LRRC4C: variants seen among roughly 807,000 people sequenced by gnomAD.
LRRC4C encodes leucine-rich repeat-containing protein 4C.
A neutral mutation model predicts 33.6 loss-of-function variants in LRRC4C; 5 were observed. The observed-to-expected ratio is 0.15, with a 90% CI of 0.08 to 0.31. LRRC4C has a LOEUF of 0.31. LRRC4C is among the 10% of genes least tolerant of loss of function. LRRC4C has a pLI of 1.00. For synonymous variants in LRRC4C, 329 were observed against 302.0 expected, an observed-to-expected ratio of 1.09 and a Z score of -0.93; for missense variants, 560 against 796.7, an observed-to-expected ratio of 0.70 and a Z score of 3.58.
At chr11:40,122,360 C>T (rs999507919) in intron 6 of LRRC4C, among the ~76,000 whole-genome samples, 2 of 152,050 alleles carry the variant, frequency 1.3e-5, no homozygotes, top group South Asian at 2.1e-4. Flanking sequence ...CCATCACCTA[C>T]GTATTAAGCC....
At chr11:40,358,709 C>T (rs1947800044) in intron 3 of LRRC4C, among the ~76,000 whole-genome samples, 1 of 152,038 alleles carries the variant, frequency 6.6e-6, no homozygotes, top group African/African-American at 2.4e-5. Context: ...AATGTGTGTG[C>T]ACCTGCGGAG....
At chr11:41,391,064 T>G (rs1953572612) in intron 1 of LRRC4C, among the ~76,000 whole-genome samples, 1 of 151,840 alleles carries the variant, frequency 6.6e-6, no homozygotes, top group African/African-American at 2.4e-5. Flanking sequence ...AAAAATCATT[T>G]GTTCTATAAA....
intron 3 of LRRC4C, among the ~76,000 whole-genome samples, chr11:40,537,124 C>G (rs1956506853): frequency 6.6e-6 from 1 of 152,062 alleles, no homozygotes; most frequent in South Asian, 2.1e-4. Flanking sequence ...ATATGACCTT[C>G]AATAACAAAA....
At chr11:41,238,269 T>C (rs1050378464) in intron 1 of LRRC4C, among the ~76,000 whole-genome samples, 1 of 152,192 alleles carries the variant, frequency 6.6e-6, no homozygotes, top group Non-Finnish European at 1.5e-5. Flanking sequence ...TCTATTTACC[T>C]CTTTAGGCTA....
intron 1 of LRRC4C, among the ~76,000 whole-genome samples, chr11:41,059,851 C>T (rs1161386071): frequency 6.6e-6 from 1 of 152,038 alleles, no homozygotes; most frequent in African/African-American, 2.4e-5. Context: ...ATGGTGAAAC[C>T]CCATCTCTAC....
chr11:41,051,593 T>A (rs1051480917), intron 1 of LRRC4C, among the ~76,000 whole-genome samples: 2 of 150,672 alleles, frequency 1.3e-5, no homozygotes, highest in Admixed American at 1.3e-4. Context: ...TTCTGATTTT[T>A]AAAAATTTTT....
chr11:40,115,882 A>G lies in LRRC4C; in HGVS notation c.411T>C (p.Thr137=). 3 of 1,614,170 alleles carry G rather than the reference A, an allele frequency of 1.9e-6. No individual in the cohort carries two copies. Among genetic ancestry groups the G allele is most frequent in the Non-Finnish European group, 2.5e-6 (3 of 1,180,028 alleles). The change falls in exon 7 of 7, where the codon ACT becomes ACC. Residue 137 remains threonine, a synonymous_variant. Coordinates refer to ENST00000528697, the MANE Select transcript of LRRC4C (RefSeq NM_001258419.2). This position sits in a 1 kb window ranked among gnomAD's most constrained non-coding sequence, Gnocchi z 6.7. ...NTLELFDNRL[T]TIPNGAFVYL... ...ATACAAAAGCTCCATTCGGGATGGT[A>G]GTAAGACGATTGTCAAAGAGTTCCA...
chr11:41,413,065 T>C (rs1331865070), intron 1 of LRRC4C, among the ~76,000 whole-genome samples: 2 of 152,194 alleles, frequency 1.3e-5, no homozygotes, highest in African/African-American at 2.4e-5. Flanking sequence ...TTTTTCTTTT[T>C]TACTTCCATT....
At chr11:40,700,680 A>G (rs1360273843) in intron 2 of LRRC4C, among the ~76,000 whole-genome samples, 2 of 152,136 alleles carry the variant, frequency 1.3e-5, no homozygotes, top group Admixed American at 1.3e-4. Flanking sequence ...TTCTGGATTC[A>G]GGGTCCAGAG....
At chr11:41,181,762 A>G (rs1215898830) in intron 1 of LRRC4C, among the ~76,000 whole-genome samples, 2 of 152,202 alleles carry the variant, frequency 1.3e-5, no homozygotes, top group African/African-American at 4.8e-5. Context: ...TCTTCCATTA[A>G]TGAGGTAAAT....
At chr11:41,434,690 T>C (rs1955365925) in intron 1 of LRRC4C, among the ~76,000 whole-genome samples, 1 of 152,150 alleles carries the variant, frequency 6.6e-6, no homozygotes, top group South Asian at 2.1e-4. Context: ...GAAGTGCACC[T>C]TTCTCTTAGA....
intron 3 of LRRC4C, among the ~76,000 whole-genome samples, chr11:40,364,161 C>G (rs904053265): frequency 2.9e-4 from 44 of 151,954 alleles, no homozygotes; most frequent in Non-Finnish European, 1.3e-4. Context: ...GCATTAAATT[C>G]ATAATTTCTG....
At chr11:40,561,007 C>T (rs1485168779) in intron 3 of LRRC4C, among the ~76,000 whole-genome samples, 1 of 152,070 alleles carries the variant, frequency 6.6e-6, no homozygotes, top group African/African-American at 2.4e-5. Context: ...GTTTTCTCTC[C>T]TTCTTTTCTC....
chr11:40,553,133 G>C (rs555232037), intron 3 of LRRC4C, among the ~76,000 whole-genome samples: 3 of 152,008 alleles, frequency 2.0e-5, no homozygotes, highest in Admixed American at 6.6e-5. Context: ...TTAGCCCGGC[G>C]TAGTGACAGG....
intron 5 of LRRC4C, among the ~76,000 whole-genome samples, chr11:40,221,931 C>T (rs541293045): frequency 2.0e-5 from 3 of 152,236 alleles, no homozygotes; most frequent in Admixed American, 6.5e-5. Context: ...ACAGGAGTCT[C>T]GTCGATGCCC....
chr11:40,909,137 G>A (rs373278126), intron 2 of LRRC4C, among the ~76,000 whole-genome samples: 4 of 152,140 alleles, frequency 2.6e-5, no homozygotes, highest in African/African-American at 9.6e-5. Flanking sequence ...TGAGGGTAGG[G>A]GTTGGAAATA....
intron 3 of LRRC4C, among the ~76,000 whole-genome samples, chr11:40,348,146 TAA>T (rs1947220816): frequency 6.6e-6 from 1 of 152,092 alleles, no homozygotes; most frequent in Non-Finnish European, 1.5e-5. Flanking sequence ...GATTTAATAA[TAA>T]TAATAGAGTT....
At chr11:40,876,697 G>C (rs1308341794) in intron 2 of LRRC4C, among the ~76,000 whole-genome samples, 1 of 151,950 alleles carries the variant, frequency 6.6e-6, no homozygotes, top group African/African-American at 2.4e-5. Context: ...GAGGTCAGGA[G>C]ATTGAGACCT....
intron 3 of LRRC4C, among the ~76,000 whole-genome samples, chr11:40,647,399 G>A (rs1378059925): frequency 6.6e-6 from 1 of 152,064 alleles, no homozygotes; most frequent in African/African-American, 2.4e-5. Context: ...TGAAAAAAGA[G>A]ATTGTTTCAG....
Sources: allele counts gnomAD v4.1 joint callset (sites outside exome capture counted in the v4.1 genomes callset), GRCh38; gene constraint gnomAD v4.1.1; non-coding constraint Gnocchi (gnomAD v3.1); transcripts MANE v1.5; gene names NCBI Gene and HGNC (gene_info 2026-07-23, HGNC 2026-07-21).